The following PCLO variants were observed in gnomAD, a reference collection of about 807,000 sequenced individuals.
The protein encoded by PCLO is piccolo presynaptic cytomatrix protein.
PCLO carries 82 observed loss-of-function variants against 427.5 expected under a neutral mutation model. The observed-to-expected ratio is 0.19, with a 90% CI of 0.16 to 0.23. PCLO has a LOEUF of 0.23. Ranked by LOEUF, PCLO falls within the 10% of genes least tolerant of loss-of-function variation. PCLO has a pLI of 1.00. For synonymous variants in PCLO, 2,357 were observed against 2,155.4 expected (o/e 1.09, Z -2.59); for missense variants, 6,239 against 6,115.9 (o/e 1.02, Z -0.67).
chr7:83,094,487 G>A (rs996267947), intron 3 of PCLO, among the ~76,000 whole-genome samples: 2 of 152,154 alleles, frequency 1.3e-5, no homozygotes, highest in African/African-American at 4.8e-5. Flanking sequence ...GATTATAGGC[G>A]TGAGCCACTG....
intron 20 of PCLO, among the ~76,000 whole-genome samples, chr7:82,810,064 A>T (rs1791537267): frequency 6.6e-6 from 1 of 151,514 alleles, no homozygotes; most frequent in South Asian, 2.1e-4. Flanking sequence ...ACTATTACAG[A>T]CTCTAGAACT....
At chr7:82,767,915 T>TA (rs1418679413) in intron 22 of PCLO, among the ~76,000 whole-genome samples, 1 of 151,264 alleles carries the variant, frequency 6.6e-6, no homozygotes, top group African/African-American at 2.4e-5. Flanking sequence ...CATTCTGAAA[T>TA]ATATAAGACT....
At chr7:83,121,766 A>G (rs1400306157) in intron 3 of PCLO, among the ~76,000 whole-genome samples, 1 of 152,206 alleles carries the variant, frequency 6.6e-6, no homozygotes, top group Non-Finnish European at 1.5e-5. Flanking sequence ...AAAGTATGAA[A>G]AGAATCAAAG....
intron 3 of PCLO, among the ~76,000 whole-genome samples, chr7:82,968,892 T>G (rs1410630762): frequency 6.6e-6 from 1 of 152,174 alleles, no homozygotes; most frequent in Non-Finnish European, 1.5e-5. Flanking sequence ...CCACATGGAT[T>G]CTAAAAACGA....
Position 82,826,615 on chromosome 7 carries a change from A to C in PCLO, c.14389T>G (p.Phe4797Val). The C allele has an allele frequency of 6.2e-7, 1 of 1,607,684 alleles. No homozygotes were observed. The highest frequency in any genetic ancestry group is 8.5e-7 in the Non-Finnish European group (1 of 1,176,092). The change falls in exon 18 of 25, where the codon TTT (phenylalanine) becomes GTT (valine). Residue 4797 changes from phenylalanine to valine, a missense_variant. Phe to Val is a conservative substitution (Grantham distance 50). This residue lies in a region of PCLO where 877 missense variants were observed against 925.5 expected (regional missense o/e 0.95). Transcript: ENST00000333891. Reference sequence around the variant, plus strand: ...TCCCCAAGGAAGTCGTTGGATGAAAATCTATCATAATCCCAAACTGTCACC... The same window carrying C: ...TCCCCAAGGAAGTCGTTGGATGAAACTCTATCATAATCCCAAACTGTCACC... ...LEVTVWDYDR[F>V]SSNDFLGEVL...
intron 6 of PCLO, among the ~76,000 whole-genome samples, chr7:82,937,375 C>T (rs575182078): frequency 2.7e-5 from 4 of 150,564 alleles, no homozygotes; most frequent in African/African-American, 9.7e-5. Context: ...TGTTGTGCCT[C>T]ACTTTGTATA....
chr7:83,113,309 T>G (rs565332434), intron 3 of PCLO, among the ~76,000 whole-genome samples: 1 of 152,356 alleles, frequency 6.6e-6, no homozygotes, highest in East Asian at 1.9e-4. Flanking sequence ...ACTCTTGCTA[T>G]GTTCCCTCTG....
intron 7 of PCLO, among the ~76,000 whole-genome samples, chr7:82,910,034 T>A (rs1010679372): frequency 5.3e-5 from 8 of 152,120 alleles, no homozygotes; most frequent in African/African-American, 1.9e-4. Context: ...GAATTTTCCT[T>A]TTAATAAATT....
At chr7:82,906,048 T>TAGATA (rs2116215677) in intron 8 of PCLO, among the ~76,000 whole-genome samples, 1 of 150,608 alleles carries the variant, frequency 6.6e-6, no homozygotes, top group African/African-American at 2.5e-5. Context: ...GATAGATAGA[T>TAGATA]AGATAGGTAC....
At chr7:83,053,578 C>CCATCT (rs1789304574) in intron 3 of PCLO, among the ~76,000 whole-genome samples, 1 of 151,852 alleles carries the variant, frequency 6.6e-6, no homozygotes, top group Non-Finnish European at 1.5e-5. Flanking sequence ...GCAGAGACTA[C>CCATCT]TTTGGTAAGC....
intron 3 of PCLO, among the ~76,000 whole-genome samples, chr7:83,085,693 A>G (rs1449882688): frequency 1.3e-5 from 2 of 152,210 alleles, no homozygotes; most frequent in Non-Finnish European, 2.9e-5. Context: ...AAAAATGAAT[A>G]AAAGGGAGCC....
intron 8 of PCLO, among the ~76,000 whole-genome samples, chr7:82,906,808 G>A (rs900998974): frequency 6.6e-6 from 1 of 151,804 alleles, no homozygotes; most frequent in Non-Finnish European, 1.5e-5. Flanking sequence ...TTGTTTGTAT[G>A]TTAGATGTGA....
intron 22 of PCLO, among the ~76,000 whole-genome samples, chr7:82,784,194 G>A (rs187583433): frequency 6.6e-6 from 1 of 151,978 alleles, no homozygotes; most frequent in Non-Finnish European, 1.5e-5. Context: ...CTCCAATACT[G>A]TCCCACACCA....
At chr7:82,942,240 T>C (rs900946085) in intron 6 of PCLO, among the ~76,000 whole-genome samples, 1 of 152,238 alleles carries the variant, frequency 6.6e-6, no homozygotes, top group African/African-American at 2.4e-5. Context: ...CTAATTACTG[T>C]TAAATAGTGC....
chr7:82,827,280 G>A (rs1381099183), intron 17 of PCLO, among the ~76,000 whole-genome samples: 1 of 151,986 alleles, frequency 6.6e-6, no homozygotes, highest in Non-Finnish European at 1.5e-5. Flanking sequence ...TGTCTGTTAA[G>A]CAAAGATATA....
intron 9 of PCLO, among the ~76,000 whole-genome samples, chr7:82,885,817 T>G (rs1368711551): frequency 6.7e-6 from 1 of 149,964 alleles, no homozygotes; most frequent in Non-Finnish European, 1.5e-5. Context: ...GCATTTTGCA[T>G]GTGAGGAAAA....
At chr7:82,993,271 C>G (rs959514348) in intron 3 of PCLO, among the ~76,000 whole-genome samples, 6 of 151,762 alleles carry the variant, frequency 4.0e-5, no homozygotes, top group Non-Finnish European at 5.9e-5. Context: ...CAATATATTT[C>G]TATAGAATAT....
chr7:82,810,384 A>G (rs1433307728), intron 20 of PCLO, among the ~76,000 whole-genome samples: 1 of 151,656 alleles, frequency 6.6e-6, no homozygotes, highest in African/African-American at 2.4e-5. Flanking sequence ...AATAAGATAC[A>G]TCTTTGGGGC....
At chr7:82,937,740 C>A (rs531243456) in intron 6 of PCLO, among the ~76,000 whole-genome samples, 1 of 151,818 alleles carries the variant, frequency 6.6e-6, no homozygotes, top group South Asian at 2.1e-4. Flanking sequence ...AGAATAGACT[C>A]AATTGCAAGC....
Sources: gnomAD v4.1 joint callset for allele counts (sites outside exome capture counted in the v4.1 genomes callset) on GRCh38, gnomAD v4.1.1 for gene constraint, gnomAD v4.1.1 regional missense constraint, MANE v1.5 for transcripts, NCBI Gene and HGNC (gene_info 2026-07-23, HGNC 2026-07-21) for gene names.